The following RARS2 variants were observed in gnomAD, a reference collection of about 807,000 sequenced individuals.
The protein encoded by RARS2 is probable arginine--tRNA ligase, mitochondrial.
RARS2 carries 67 observed loss-of-function variants against 88.5 expected under a neutral mutation model. The observed-to-expected ratio is 0.76, with a 90% CI of 0.62 to 0.93. The LOEUF (loss-of-function observed/expected upper bound fraction) is 0.93. RARS2 is among the 40% of genes least tolerant of loss of function. The pLI is 0.00. For missense variants in RARS2, 664 were observed against 684.2 expected, an observed-to-expected ratio of 0.97 and a Z score of 0.33; for synonymous variants, 239 against 230.3, an observed-to-expected ratio of 1.04 and a Z score of -0.34.
intron 1 of RARS2, among the ~76,000 whole-genome samples, chr6:87,576,301 G>A: frequency 1.1e-5 from 1 of 88,058 alleles, no homozygotes; most frequent in Non-Finnish European, 2.2e-5. Flanking sequence ...TTTTGAGACG[G>A]AGTCTCGCTC....
intron 1 of RARS2, among the ~76,000 whole-genome samples, chr6:87,587,150 G>T (rs1775415732): frequency 6.6e-6 from 1 of 152,054 alleles, no homozygotes. Flanking sequence ...CTCTCCAAGT[G>T]CTGGGGTTAT....
chr6:87,578,513 G>GT (rs1382104549), intron 1 of RARS2, among the ~76,000 whole-genome samples: 1 of 152,256 alleles, frequency 6.6e-6, no homozygotes, highest in East Asian at 1.9e-4. Context: ...CTTTATAAAA[G>GT]TATGTTTAAG....
At chr6:87,548,713 T>G in intron 5 of RARS2, 67 bp from the exon 6 acceptor site, 4 of 1,441,320 alleles carry the variant, frequency 2.8e-6, no homozygotes, top group Non-Finnish European at 3.9e-6. Context: ...AACTAGGTCA[T>G]GCCTCCATAC....
intron 5 of RARS2, among the ~76,000 whole-genome samples, chr6:87,553,405 A>G (rs1459002888): frequency 6.6e-6 from 1 of 152,244 alleles, no homozygotes; most frequent in Non-Finnish European, 1.5e-5. Flanking sequence ...GTTTTAAAAC[A>G]CTAATCAGAA....
At chr6:87,548,232 C>T (rs545160877) in intron 6 of RARS2, among the ~76,000 whole-genome samples, 1 of 152,052 alleles carries the variant, frequency 6.6e-6, no homozygotes, top group South Asian at 2.1e-4. Flanking sequence ...GACAAAAAAA[C>T]CACAAAATAA....
In RARS2 at chr6:87,572,924, A is replaced by C. The variant is rs192667502; in HGVS notation, c.37-3334T>G. The stretch of plus-strand genomic sequence containing the variant: ...TTACACCTAGTAATACAGGGTAAAC[A>C]TATATATATACATACTCAGTAAATA... On this transcript the variant is annotated intron_variant, in intron 1 of 19. Transcript: ENST00000369536. Among the ~76,000 whole-genome samples, 867 of 150,994 alleles carry C rather than the reference A, an allele frequency of 5.7e-3. 11 individuals carry two copies. The highest frequency in any genetic ancestry group is 0.02 in the African/African-American group (837 of 40,992).
chr6:87,576,729 C>G (rs1347546490), intron 1 of RARS2, among the ~76,000 whole-genome samples: 3 of 152,208 alleles, frequency 2.0e-5, no homozygotes, highest in African/African-American at 7.2e-5. Context: ...CTATGATTAA[C>G]ATATTTCAAT....
chr6:87,514,617 G>A (rs1166304355), intron 19 of RARS2, 118 bp from the exon 20 acceptor site: 2 of 893,772 alleles, frequency 2.2e-6, no homozygotes, highest in Non-Finnish European at 3.6e-6. Flanking sequence ...ATGTCAAAGT[G>A]CCCTAGAGTT....
chr6:87,555,112 TAA>T (rs1286428605), intron 5 of RARS2, among the ~76,000 whole-genome samples: 1 of 146,352 alleles, frequency 6.8e-6, no homozygotes, highest in Non-Finnish European at 1.5e-5. Flanking sequence ...AATAAATAAA[TAA>T]ATAAATAAAT....
chr6:87,524,252 T>C (rs1338750734), intron 11 of RARS2, among the ~76,000 whole-genome samples: 1 of 152,156 alleles, frequency 6.6e-6, no homozygotes, highest in African/African-American at 2.4e-5. Flanking sequence ...AAATGTGACA[T>C]GGCTGCTTTC....
intron 8 of RARS2, among the ~76,000 whole-genome samples, chr6:87,536,362 C>T (rs577439583): frequency 1.3e-5 from 2 of 152,082 alleles, no homozygotes; most frequent in South Asian, 4.1e-4. Flanking sequence ...TTTGCCTGGG[C>T]GTGGTGGCTC....
At chr6:87,514,566 G>A in intron 19 of RARS2, 67 bp from the exon 20 acceptor site, 3 of 1,302,908 alleles carry the variant, frequency 2.3e-6, no homozygotes, top group African/African-American at 1.5e-5. Flanking sequence ...ACATGAGAAT[G>A]GTTTTAAAGG....
chr6:87,583,331 T>C (rs1053654005), intron 1 of RARS2, among the ~76,000 whole-genome samples: 2 of 152,338 alleles, frequency 1.3e-5, no homozygotes, highest in African/African-American at 2.4e-5. Context: ...GGCTCTTGCC[T>C]GTAATCCCAG....
Position 87,569,603 on chromosome 6 carries a change from AAG to A in RARS2, c.37-15_37-14del, listed in dbSNP as rs747104159. On this transcript the variant is annotated splice_polypyrimidine_tract_variant and intron_variant, in intron 1 of 19. Transcript: ENST00000369536. ...ACACTCTGGAAAGCTAAAAATCAAAAAGAACAAAACAGTGTAAGATTGTTCAC... is the reference window on the plus strand; with the variant it reads ...ACACTCTGGAAAGCTAAAAATCAAAAAACAAAACAGTGTAAGATTGTTCAC... 2.5e-6 allele frequency: 4 copies of A among 1,584,198 alleles called. No homozygotes were observed. Among genetic ancestry groups the A allele is most frequent in the South Asian group, 2.2e-5 (2 of 90,450 alleles).
At chr6:87,529,827 A>G (rs1480106506) in intron 9 of RARS2, among the ~76,000 whole-genome samples, 179 bp from the exon 10 acceptor site, 2 of 152,082 alleles carry the variant, frequency 1.3e-5, no homozygotes, top group Admixed American at 1.3e-4. Context: ...AGGCTGAGGC[A>G]GGAGGATCAC....
chr6:87,563,882 T>C (rs1281132660), intron 3 of RARS2, among the ~76,000 whole-genome samples: 1 of 152,220 alleles, frequency 6.6e-6, no homozygotes, highest in Non-Finnish European at 1.5e-5. Context: ...TAATTAACAC[T>C]TCAGTCTTCC....
At chr6:87,582,713 T>C (rs1312975623) in intron 1 of RARS2, among the ~76,000 whole-genome samples, 1 of 152,190 alleles carries the variant, frequency 6.6e-6, no homozygotes, top group Non-Finnish European at 1.5e-5. Context: ...TGTGGATGAA[T>C]ATCTGCCCAA....
chr6:87,526,684 T>C (rs1409332411), intron 10 of RARS2, among the ~76,000 whole-genome samples: 2 of 151,880 alleles, frequency 1.3e-5, no homozygotes, highest in African/African-American at 4.8e-5. Context: ...TTTTTTTTTT[T>C]TTTGAGATGG....
intron 5 of RARS2, 105 bp downstream of exon 5, chr6:87,555,295 GGTTTTCAA>G (rs1269896836): frequency 3.9e-6 from 3 of 765,930 alleles, no homozygotes; most frequent in African/African-American, 3.5e-5. Flanking sequence ...TAATTGCACT[GGTTTTCAA>G]GTTTTCCACA....
Sources: gnomAD v4.1 joint callset for allele counts (sites outside exome capture counted in the v4.1 genomes callset) on GRCh38, gnomAD v4.1.1 for gene constraint, MANE v1.5 for transcripts, NCBI Gene and HGNC (gene_info 2026-07-23, HGNC 2026-07-21) for gene names.